Variants in FAM133B observed in about 807,000 individuals in gnomAD.
FAM133B encodes family with sequence similarity 133 member B, also known as protein FAM133B.
In FAM133B, 25 loss-of-function variants were observed where a neutral mutation model predicts 46.4. The ratio of observed to expected loss-of-function variants is 0.54; its 90% CI spans 0.39 to 0.75. The LOEUF (loss-of-function observed/expected upper bound fraction) is 0.75. Among genes scored for constraint, FAM133B ranks in the 30% least tolerant of loss-of-function variants. The pLI is 0.00. For missense variants in FAM133B, 205 were observed against 277.6 expected, an observed-to-expected ratio of 0.74 and a Z score of 1.86; for synonymous variants, 75 against 86.0, an observed-to-expected ratio of 0.87 and a Z score of 0.71.
chr7:92,588,892 C>T (rs1233737089), intron 1 of FAM133B, among the ~76,000 whole-genome samples: 1 of 152,324 alleles, frequency 6.6e-6, no homozygotes, highest in Non-Finnish European at 1.5e-5. Context: ...TAACAGCTCC[C>T]TGAGGCCTCC....
At chr7:92,587,506 G>A (rs1432345659) in intron 1 of FAM133B, among the ~76,000 whole-genome samples, 2 of 152,110 alleles carry the variant, frequency 1.3e-5, no homozygotes, top group African/African-American at 4.8e-5. Context: ...CGAGACGGGA[G>A]GATTGCTTGA....
In FAM133B at chr7:92,587,388, G is replaced by A. The variant is rs573346590; in HGVS notation, c.24+2880C>T. Among the ~76,000 whole-genome samples, 141 of 152,300 alleles carry A rather than the reference G, an allele frequency of 9.3e-4. 1 individual carries two copies. The Middle Eastern group carries it at 0.01, about 11-fold the overall frequency. ...TCAGTGGTTGCCACACTTGGGGACAGGGGTGGTAGAGGAATGGCTAGGCCG... is the reference window on the plus strand; with the variant it reads ...TCAGTGGTTGCCACACTTGGGGACAAGGGTGGTAGAGGAATGGCTAGGCCG... On this transcript the variant is annotated intron_variant, in intron 1 of 10. Transcript: ENST00000445716.
At chr7:92,578,094 CTTTT>C (rs1794755032) in intron 5 of FAM133B, 52 bp downstream of exon 5, 1 of 1,468,412 alleles carries the variant, frequency 6.8e-7, no homozygotes, top group South Asian at 1.2e-5. Flanking sequence ...ATTATTCTTA[CTTTT>C]TTTGTTGGCT....
chr7:92,579,836 TCCATA>T (rs1794813792), intron 2 of FAM133B, among the ~76,000 whole-genome samples: 3 of 152,164 alleles, frequency 2.0e-5, no homozygotes, highest in African/African-American at 7.2e-5. Flanking sequence ...ACTACTACAT[TCCATA>T]TATGACCCAT....
At chr7:92,576,451 C>T (rs1014570135) in intron 7 of FAM133B, among the ~76,000 whole-genome samples, 3 of 151,620 alleles carry the variant, frequency 2.0e-5, no homozygotes, top group Admixed American at 6.6e-5. Flanking sequence ...AGATCTCTCA[C>T]GGGGGCAGGC....
At chr7:92,584,851 C>T (rs1269346243) in intron 1 of FAM133B, among the ~76,000 whole-genome samples, 1 of 152,058 alleles carries the variant, frequency 6.6e-6, no homozygotes, top group Non-Finnish European at 1.5e-5. Flanking sequence ...GGGCTCAAAG[C>T]GTCCTCCTAC....
In FAM133B at chr7:92,577,589, G is replaced by C. The variant is rs59881169; in HGVS notation, c.372+66C>G. ...CATTTCTAACAGATATTTCACAATGGGTTTCCACTTGACATTAAAGAAATT... is the reference window on the plus strand; with the variant it reads ...CATTTCTAACAGATATTTCACAATGCGTTTCCACTTGACATTAAAGAAATT... On this transcript the variant is annotated intron_variant, in intron 6 of 10. Transcript: ENST00000445716. The C allele has an allele frequency of 6.4e-3, 8,419 of 1,317,810 alleles. 431 individuals are homozygous for C. In the African/African-American group the frequency reaches 0.11, roughly 17 times the overall value. 81.6% of individuals were successfully genotyped at this position (1,317,810 alleles called of 1,614,324 possible). A position where few individuals can be genotyped will look rare whatever the true frequency, so the allele number is the denominator to read the frequency against.
chr7:92,581,786 G>T, intron 1 of FAM133B, 183 bp from the exon 2 acceptor site: 77 of 463,894 alleles, frequency 1.7e-4, no homozygotes, highest in Non-Finnish European at 2.1e-4. Context: ...TAAAAGTTTG[G>T]GAGAAAATTG....
At chr7:92,579,179 G>T in intron 3 of FAM133B, 138 bp downstream of exon 3, 1 of 659,986 alleles carries the variant, frequency 1.5e-6, no homozygotes, top group Non-Finnish European at 2.6e-6. Flanking sequence ...GCGGCGGGGG[G>T]GGGCCTTACT....
intron 9 of FAM133B, among the ~76,000 whole-genome samples, chr7:92,566,303 T>TA (rs1251488330): frequency 6.6e-6 from 1 of 152,012 alleles, no homozygotes; most frequent in Non-Finnish European, 1.5e-5. Context: ...TTTCAGCACC[T>TA]AAAAAAATGT....
chr7:92,569,704 T>A, intron 9 of FAM133B, 119 bp downstream of exon 9: 1 of 490,134 alleles, frequency 2.0e-6, no homozygotes, highest in South Asian at 5.9e-5. Context: ...TCATTTTGTT[T>A]TTTCATACTA....
chr7:92,565,742 C>T (rs1211538829), intron 10 of FAM133B: 11 of 389,204 alleles, frequency 2.8e-5, no homozygotes, highest in African/African-American at 1.6e-4. Context: ...GGATTACAGG[C>T]GTGAGACACA....
intron 9 of FAM133B, among the ~76,000 whole-genome samples, chr7:92,566,891 C>A (rs554399292): frequency 1.3e-5 from 2 of 152,072 alleles, no homozygotes; most frequent in Non-Finnish European, 2.9e-5. Flanking sequence ...TTATTTCAAT[C>A]TTTTTGAGTG....
intron 1 of FAM133B, among the ~76,000 whole-genome samples, chr7:92,588,548 T>G (rs1795098697): frequency 6.6e-6 from 1 of 152,194 alleles, no homozygotes; most frequent in African/African-American, 2.4e-5. Context: ...CAAGATTCAC[T>G]ACCACAGTGG....
chr7:92,590,211 C>CGCT (rs1464349744), intron 1 of FAM133B, 57 bp downstream of exon 1: 1 of 1,612,954 alleles, frequency 6.2e-7, no homozygotes, highest in East Asian at 2.2e-5. Context: ...CGAGGGTTCT[C>CGCT]GCTGTCCTGC....
chr7:92,582,557 AGAAT>A (rs1487539540), intron 1 of FAM133B, among the ~76,000 whole-genome samples: 1 of 152,238 alleles, frequency 6.6e-6, no homozygotes, highest in Non-Finnish European at 1.5e-5. Flanking sequence ...GACAATTCAC[AGAAT>A]GAGAGAAAAT....
In FAM133B at chr7:92,569,922, AAAAT is replaced by A. The variant is rs1794478316; in HGVS notation, c.517-11_517-8del. 3 of 1,252,276 alleles carry A rather than the reference AAAAT, an allele frequency of 2.4e-6. No homozygotes were observed. The highest frequency in any genetic ancestry group is 3.2e-6 in the Non-Finnish European group (3 of 947,590). 77.6% of individuals were successfully genotyped at this position (1,252,276 alleles called of 1,614,324 possible). A position where few individuals can be genotyped will look rare whatever the true frequency, so the allele number is the denominator to read the frequency against. On this transcript the variant is annotated splice_region_variant and splice_polypyrimidine_tract_variant and intron_variant, in intron 8 of 10. Coordinates refer to ENST00000445716, the MANE Select transcript of FAM133B (RefSeq NM_152789.4). ...TGCTGAGTCCTTTAATATCCTATGA[AAAAT>A]AAATACATTTATCTTGACTCAGACA...
intron 8 of FAM133B, among the ~76,000 whole-genome samples, chr7:92,574,911 C>CAAAA (rs5885810): frequency 9.1e-6 from 1 of 110,448 alleles, no homozygotes. Context: ...GACTCCGTCT[C>CAAAA]AAAAAAAAAA....
At chr7:92,571,508 G>A (rs1794529594) in intron 8 of FAM133B, among the ~76,000 whole-genome samples, 1 of 152,168 alleles carries the variant, frequency 6.6e-6, no homozygotes, top group Admixed American at 6.5e-5. Context: ...ATGGTCAAAA[G>A]TTTGAGTTTT....
Sources: gnomAD v4.1 joint callset for allele counts (sites outside exome capture counted in the v4.1 genomes callset) on GRCh38, gnomAD v4.1.1 for gene constraint, MANE v1.5 for transcripts, NCBI Gene and HGNC (gene_info 2026-07-23, HGNC 2026-07-21) for gene names.